Variants in HPSE2 observed in about 807,000 individuals in gnomAD.
The protein encoded by HPSE2 is heparanase 2 (inactive).
A neutral mutation model predicts 60.5 loss-of-function variants in HPSE2; 38 were observed. The ratio of observed to expected loss-of-function variants is 0.63; its 90% CI spans 0.48 to 0.82. The LOEUF (loss-of-function observed/expected upper bound fraction) is 0.82, where lower values mean the gene tolerates loss of function less well. Ranked by LOEUF, HPSE2 falls within the 40% of genes least tolerant of loss-of-function variation. The pLI is 0.00. For missense variants in HPSE2, 713 were observed against 740.4 expected (o/e 0.96, Z 0.43); for synonymous variants, 295 against 293.2 (o/e 1.01, Z -0.06).
chr10:99,241,058 ACTT>A, the HPSE2 span, among the ~76,000 whole-genome samples: 1 of 152,198 alleles, frequency 6.6e-6, no homozygotes, highest in East Asian at 1.9e-4. Context: ...TTTTGTATAA[ACTT>A]CTTCTTATAC....
intron 1 of HPSE2, among the ~76,000 whole-genome samples, chr10:99,233,329 T>A (rs921230775): frequency 1.3e-5 from 2 of 152,158 alleles, no homozygotes; most frequent in Non-Finnish European, 2.9e-5. Flanking sequence ...AGGCTCCATC[T>A]TTCTTCTTTC....
chr10:99,207,132 G>A (rs922769287), intron 2 of HPSE2, among the ~76,000 whole-genome samples: 3 of 152,130 alleles, frequency 2.0e-5, no homozygotes, highest in Admixed American at 2.0e-4. Flanking sequence ...ATCAAAGATT[G>A]AGAGATTTCC....
chr10:98,475,598 C>T (rs1054411301), intron 11 of HPSE2, among the ~76,000 whole-genome samples: 4 of 116,428 alleles, frequency 3.4e-5, no homozygotes, highest in African/African-American at 7.6e-5. Flanking sequence ...GAATGGGCTC[C>T]GTTAGGTGTG....
chr10:98,906,574 T>A (rs1378616399), intron 3 of HPSE2, among the ~76,000 whole-genome samples: 1 of 151,968 alleles, frequency 6.6e-6, no homozygotes. Context: ...GACAGTAAAA[T>A]TTAGGTTAGA....
intron 3 of HPSE2, among the ~76,000 whole-genome samples, chr10:98,997,999 T>C (rs1435265980): frequency 1.3e-5 from 2 of 152,230 alleles, no homozygotes; most frequent in Admixed American, 1.3e-4. Flanking sequence ...CACAGTGACC[T>C]TTTCCTTCCA....
chr10:98,804,997 C>T (rs1951009004), intron 3 of HPSE2, among the ~76,000 whole-genome samples: 1 of 152,178 alleles, frequency 6.6e-6, no homozygotes, highest in African/African-American at 2.4e-5. Context: ...ATGGATGGAT[C>T]TGGCAGTCAT....
At chr10:99,262,144 G>A in the HPSE2 span, among the ~76,000 whole-genome samples, 3 of 152,102 alleles carry the variant, frequency 2.0e-5, no homozygotes, top group African/African-American at 7.2e-5. Context: ...GGGTAAGCCT[G>A]TCCCCTTCTA....
chr10:98,818,175 C>A (rs973160171), intron 3 of HPSE2, among the ~76,000 whole-genome samples: 1 of 152,164 alleles, frequency 6.6e-6, no homozygotes, highest in Non-Finnish European at 1.5e-5. Flanking sequence ...TACATGTATG[C>A]CCATCAGAGA....
chr10:98,495,109 T>C (rs1023454107), intron 9 of HPSE2, among the ~76,000 whole-genome samples: 1 of 152,128 alleles, frequency 6.6e-6, no homozygotes, highest in Non-Finnish European at 1.5e-5. Context: ...TATTTGAGAA[T>C]GTCTTAATTT....
chr10:99,115,013 G>C (rs556360067), intron 3 of HPSE2, among the ~76,000 whole-genome samples: 15 of 151,912 alleles, frequency 9.9e-5, no homozygotes, highest in Non-Finnish European at 2.1e-4. Flanking sequence ...AGACAGGGTT[G>C]CTCTGTCACC....
chr10:98,987,339 A>AAT lies in HPSE2; in HGVS notation c.610+156898_610+156899insAT, dbSNP rs1299628766. 1.1e-3 allele frequency among the ~76,000 whole-genome samples: 168 copies of AAT among 152,120 alleles called. 3 individuals are homozygous for AAT. In the East Asian group the frequency reaches 0.019, roughly 17 times the overall value. On this transcript the variant is annotated intron_variant, in intron 3 of 11. Transcript: ENST00000370552. ...CATCCCTGGGATGCAAGGCTGGTTC[A>AAT]ACACAAGCAAATCAATAAACGTAAT...
chr10:98,732,900 T>A (rs930449275), intron 4 of HPSE2, among the ~76,000 whole-genome samples: 3 of 152,048 alleles, frequency 2.0e-5, no homozygotes, highest in Non-Finnish European at 4.4e-5. Flanking sequence ...CCAGAATATA[T>A]AAAGAACTCT....
intron 9 of HPSE2, among the ~76,000 whole-genome samples, chr10:98,580,824 T>TTATACATATATATATATA (rs1554945260): frequency 7.8e-6 from 1 of 128,560 alleles, no homozygotes; most frequent in Non-Finnish European, 1.6e-5. Flanking sequence ...GTGCTTGGTT[T>TTATACATATATATATATA]TATATATATA....
intron 3 of HPSE2, among the ~76,000 whole-genome samples, chr10:98,845,103 G>T (rs1344964341): frequency 2.0e-5 from 3 of 152,198 alleles, no homozygotes; most frequent in Non-Finnish European, 4.4e-5. Flanking sequence ...TTAAGCATTG[G>T]CTAGGAACAA....
chr10:98,690,252 C>T (rs1000705464), intron 6 of HPSE2, among the ~76,000 whole-genome samples: 1 of 152,142 alleles, frequency 6.6e-6, no homozygotes, highest in Non-Finnish European at 1.5e-5. Flanking sequence ...TAAATAACTA[C>T]AGAGAAGGCC....
At chr10:98,872,175 T>C (rs1429663184) in intron 3 of HPSE2, among the ~76,000 whole-genome samples, 1 of 151,988 alleles carries the variant, frequency 6.6e-6, no homozygotes, top group Non-Finnish European at 1.5e-5. Context: ...GGAAGGACCG[T>C]TTTCTGCAGA....
intron 2 of HPSE2, among the ~76,000 whole-genome samples, chr10:99,178,007 C>T (rs977458897): frequency 1.3e-5 from 2 of 151,990 alleles, no homozygotes; most frequent in African/African-American, 4.8e-5. Flanking sequence ...GAACAACCTG[C>T]TCCTGAATGA....
intron 9 of HPSE2, among the ~76,000 whole-genome samples, chr10:98,601,964 C>T (rs1192015841): frequency 1.3e-5 from 2 of 152,186 alleles, no homozygotes; most frequent in African/African-American, 2.4e-5. Flanking sequence ...CAGTTCTTGA[C>T]AGCTACAGTG....
At chr10:98,561,292 G>C (rs1011830084) in intron 9 of HPSE2, among the ~76,000 whole-genome samples, 1 of 151,598 alleles carries the variant, frequency 6.6e-6, no homozygotes. Context: ...TCAGTCTCCC[G>C]AGTAGGAAAC....
Sources: gnomAD v4.1 joint callset for allele counts (sites outside exome capture counted in the v4.1 genomes callset) on GRCh38, gnomAD v4.1.1 for gene constraint, MANE v1.5 for transcripts, NCBI Gene and HGNC (gene_info 2026-07-23, HGNC 2026-07-21) for gene names.